Variants in ALDH7A1 observed in about 807,000 individuals in gnomAD.
ALDH7A1 encodes the protein aldehyde dehydrogenase 7 family member A1, also known as alpha-aminoadipic semialdehyde dehydrogenase.
In ALDH7A1, 63 loss-of-function variants were observed where a neutral mutation model predicts 79.9. The ratio of observed to expected loss-of-function variants is 0.79; its 90% CI spans 0.64 to 0.97. The LOEUF (loss-of-function observed/expected upper bound fraction) is 0.97. ALDH7A1 is among the 50% of genes least tolerant of loss of function. The pLI, the probability that ALDH7A1 is intolerant of heterozygous loss-of-function variation, is 0.00. For synonymous variants in ALDH7A1, 240 were observed against 231.2 expected (o/e 1.04, Z -0.34); for missense variants, 627 against 665.2 (o/e 0.94, Z 0.63).
chr5:126,574,118 T>C (rs1750880731), intron 7 of ALDH7A1, among the ~76,000 whole-genome samples: 1 of 151,798 alleles, frequency 6.6e-6, no homozygotes, highest in Admixed American at 6.6e-5. Flanking sequence ...TAAATAATCT[T>C]CTAGGCTGGG....
intron 5 of ALDH7A1, among the ~76,000 whole-genome samples, chr5:126,578,445 T>G (rs1751052433): frequency 2.0e-5 from 3 of 152,010 alleles, no homozygotes. Flanking sequence ...AGTTTGAGAC[T>G]TGGATCAACA....
intron 5 of ALDH7A1, among the ~76,000 whole-genome samples, chr5:126,582,554 TG>T (rs1387903660): frequency 6.6e-6 from 1 of 152,230 alleles, no homozygotes; most frequent in African/African-American, 2.4e-5. Flanking sequence ...TTCTTAAAAC[TG>T]GGCTCTTTAA....
chr5:126,570,746 C>G, intron 8 of ALDH7A1, 36 bp downstream of exon 8: 1 of 1,598,618 alleles, frequency 6.3e-7, no homozygotes, highest in African/African-American at 1.3e-5. Flanking sequence ...AACCTGGGGT[C>G]CTTCAACAGA....
intron 3 of ALDH7A1, chr5:126,588,124 G>A (rs1427685393): frequency 6.6e-6 from 1 of 152,164 alleles, no homozygotes; most frequent in East Asian, 1.9e-4. Flanking sequence ...AAAAAGTACA[G>A]CCCAATATTT....
intron 6 of ALDH7A1, 107 bp downstream of exon 6, chr5:126,576,972 G>T: frequency 7.2e-7 from 1 of 1,393,408 alleles, no homozygotes; most frequent in South Asian, 1.2e-5. Flanking sequence ...AGCCAGGTGT[G>T]GTGATGCACA....
chr5:126,583,780 C>A (rs1207823980), intron 4 of ALDH7A1, 152 bp downstream of exon 4: 7 of 642,570 alleles, frequency 1.1e-5, no homozygotes, highest in African/African-American at 7.4e-5. Context: ...GCAGAGGCTG[C>A]AGTGAGCCAA....
chr5:126,548,894 TAAAAAAAAA>T (rs33926729), intron 16 of ALDH7A1, among the ~76,000 whole-genome samples: 1 of 93,388 alleles, frequency 1.1e-5, no homozygotes, highest in Non-Finnish European at 2.0e-5. Flanking sequence ...GGCCTGTTTC[TAAAAAAAAA>T]AAAAAAAAAA....
intron 8 of ALDH7A1, 34 bp from the exon 9 acceptor site, chr5:126,568,390 C>G (rs926693890): frequency 3.2e-6 from 5 of 1,557,912 alleles, no homozygotes; most frequent in Non-Finnish European, 3.5e-6. Context: ...GCCACCCAAG[C>G]AGAGAAACCC....
chr5:126,554,959 G>A (rs1339366708), intron 12 of ALDH7A1: 2 of 176,620 alleles, frequency 1.1e-5, no homozygotes, highest in Non-Finnish European at 2.4e-5. Flanking sequence ...CATGTTAGCA[G>A]AGCCATCCCC....
chr5:126,574,809 A>G (rs1750911561), intron 7 of ALDH7A1, among the ~76,000 whole-genome samples: 1 of 152,152 alleles, frequency 6.6e-6, no homozygotes, highest in African/African-American at 2.4e-5. Context: ...GATGCAACCA[A>G]TGGAACATCA....
At chr5:126,547,092 C>T (rs1042570728) in intron 16 of ALDH7A1, among the ~76,000 whole-genome samples, 18 of 152,184 alleles carry the variant, frequency 1.2e-4, no homozygotes, top group African/African-American at 4.1e-4. Flanking sequence ...CAGCTAACAG[C>T]GCCTCTGAAA....
intron 8 of ALDH7A1, chr5:126,568,767 A>AC: frequency 1.2e-5 from 3 of 241,556 alleles, no homozygotes; most frequent in South Asian, 1.2e-4. Flanking sequence ...CCCCATCTCT[A>AC]TAAAAAATAC....
intron 9 of ALDH7A1, chr5:126,561,449 C>T (rs1374107994): frequency 5.2e-6 from 1 of 192,590 alleles, no homozygotes; most frequent in African/African-American, 2.4e-5. Context: ...CTTTGACTTA[C>T]TCCAAACAGT....
intron 3 of ALDH7A1, among the ~76,000 whole-genome samples, chr5:126,590,957 C>T (rs978975305): frequency 1.3e-5 from 2 of 149,092 alleles, no homozygotes; most frequent in Admixed American, 1.3e-4. Context: ...AAATTTTATA[C>T]ACACCATGTA....
At chr5:126,592,640 T>A in intron 3 of ALDH7A1, 24 bp downstream of exon 3, 1 of 1,610,344 alleles carries the variant, frequency 6.2e-7, no homozygotes, top group Non-Finnish European at 8.5e-7. Flanking sequence ...TTTTCTGAAT[T>A]CTAGAAACAA....
chr5:126,573,266 A>C (rs976441065), intron 7 of ALDH7A1, among the ~76,000 whole-genome samples: 2 of 150,436 alleles, frequency 1.3e-5, no homozygotes, highest in African/African-American at 5.0e-5. Context: ...TTTGTTTTTT[A>C]GGTTTATTTT....
At chr5:126,588,006 AG>A (rs937537912) in intron 3 of ALDH7A1, 15 of 152,304 alleles carry the variant, frequency 9.8e-5, no homozygotes, top group African/African-American at 3.6e-4. Context: ...ATTTGTTGGG[AG>A]GTCTAAAAAG....
In ALDH7A1 at chr5:126,575,440, G is replaced by A. The variant is rs57902950; in HGVS notation, c.675C>T (p.Leu225=). 6.2e-3 allele frequency: 9,972 copies of A among 1,613,094 alleles called. 268 individuals carry two copies. The highest frequency in any genetic ancestry group is 0.056 in the African/African-American group (4,164 of 74,974). The change falls in exon 7 of 18, where the codon CTC becomes CTT. Residue 225 remains leucine (L), a synonymous_variant. Coordinates refer to ENST00000409134, the MANE Select transcript of ALDH7A1 (RefSeq NM_001182.5). ...CLWKGAPTTS[L]ISVAVTKIIA... ...CTTACTTTGTGACAGCCACACTAAT[G>A]AGGGAAGTGGTTGGAGCTCCTTTCC...
chr5:126,564,526 C>A, intron 9 of ALDH7A1: 1 of 1,246,898 alleles, frequency 8.0e-7, no homozygotes, highest in Non-Finnish European at 1.0e-6. Flanking sequence ...ATGTGAATAA[C>A]TTTTATTCAT....
Sources: gnomAD v4.1 joint callset for allele counts (sites outside exome capture counted in the v4.1 genomes callset) on GRCh38, gnomAD v4.1.1 for gene constraint, MANE v1.5 for transcripts, NCBI Gene and HGNC (gene_info 2026-07-23, HGNC 2026-07-21) for gene names.